The following SEMA3E variants were observed in gnomAD, a reference collection of about 807,000 sequenced individuals.
SEMA3E encodes the protein semaphorin 3E.
SEMA3E carries 49 observed loss-of-function variants against 93.6 expected under a neutral mutation model. That is an observed-to-expected ratio of 0.52 (90% CI 0.42 to 0.66). The LOEUF (loss-of-function observed/expected upper bound fraction) is 0.66. Among genes scored for constraint, SEMA3E ranks in the 30% least tolerant of loss-of-function variants. The pLI is 0.00. For synonymous variants in SEMA3E, 363 were observed against 330.7 expected (o/e 1.10, Z -1.06); for missense variants, 906 against 964.8 (o/e 0.94, Z 0.81).
At chr7:83,486,484 G>T (rs1790258749) in intron 2 of SEMA3E, among the ~76,000 whole-genome samples, 1 of 152,102 alleles carries the variant, frequency 6.6e-6, no homozygotes, top group Non-Finnish European at 1.5e-5. Context: ...CAGGAGGAGA[G>T]CTGGGCCCCA....
chr7:83,599,194 G>A (rs117752711), intron 1 of SEMA3E, among the ~76,000 whole-genome samples: 274 of 152,268 alleles, frequency 1.8e-3, no homozygotes, highest in African/African-American at 6.2e-3. Flanking sequence ...GTCATTGCAA[G>A]TCACTAGTGC....
At chr7:83,645,716 TC>T (rs1562868334) in intron 1 of SEMA3E, among the ~76,000 whole-genome samples, 927 of 92,332 alleles carry the variant, frequency 0.01, 10 homozygotes, top group African/African-American at 0.049. Context: ...GTACCTTGTC[TC>T]CTTCTCTCTC....
chr7:83,558,399 T>C (rs1486029234), intron 1 of SEMA3E, among the ~76,000 whole-genome samples: 1 of 152,154 alleles, frequency 6.6e-6, no homozygotes, highest in African/African-American at 2.4e-5. Context: ...TTTTGTGGTC[T>C]ACTGTGCTAC....
intron 4 of SEMA3E, among the ~76,000 whole-genome samples, chr7:83,436,504 C>CAT (rs747042711): frequency 7.9e-5 from 12 of 151,554 alleles, no homozygotes; most frequent in Middle Eastern, 3.4e-3. Flanking sequence ...CACACATATA[C>CAT]ATATATATAT....
At chr7:83,525,875 C>T (rs1791148977) in intron 1 of SEMA3E, among the ~76,000 whole-genome samples, 1 of 149,748 alleles carries the variant, frequency 6.7e-6, no homozygotes. Flanking sequence ...TGTTTAAAAG[C>T]AGCTCAAGAA....
intron 4 of SEMA3E, among the ~76,000 whole-genome samples, chr7:83,426,217 G>A (rs534903087): frequency 3.9e-5 from 6 of 152,150 alleles, no homozygotes; most frequent in East Asian, 1.9e-4. Flanking sequence ...CAGCAATCCC[G>A]TTACTAGGTA....
At chr7:83,600,406 G>A (rs1319002825) in intron 1 of SEMA3E, among the ~76,000 whole-genome samples, 4 of 146,784 alleles carry the variant, frequency 2.7e-5, no homozygotes, top group African/African-American at 5.0e-5. Context: ...TGCAAGCTCC[G>A]CCTCCAGGGT....
Position 83,430,684 on chromosome 7 carries a change from G to A in SEMA3E, c.457-12201C>T, listed in dbSNP as rs531766203. On this transcript the variant is annotated intron_variant, in intron 4 of 16. Transcript: ENST00000643230. Reference sequence around the variant, plus strand: ...CACACACCGGGGCCTGTCAGGGGCTGGGGGAGATGGGAGGGAGAGCATTAG... The same window carrying A: ...CACACACCGGGGCCTGTCAGGGGCTAGGGGAGATGGGAGGGAGAGCATTAG... Among the ~76,000 whole-genome samples, 5 of 152,126 alleles carry A rather than the reference G, an allele frequency of 3.3e-5. No individual in the cohort carries two copies. In the South Asian group the frequency reaches 8.3e-4, roughly 25 times the overall value.
At chr7:83,441,420 G>A (rs909401553) in intron 4 of SEMA3E, among the ~76,000 whole-genome samples, 1 of 152,120 alleles carries the variant, frequency 6.6e-6, no homozygotes, top group Non-Finnish European at 1.5e-5. Context: ...ATGTATGTTA[G>A]CACTAAGATT....
chr7:83,503,002 CTTTCTCTCTCTTTTTTTTTTT>C (rs1005209801), intron 1 of SEMA3E, among the ~76,000 whole-genome samples: 3,683 of 121,994 alleles, frequency 0.03, 140 homozygotes, highest in African/African-American at 0.1. Context: ...ATATGAGTTT[CTTTCTCTCTCTTTTTTTTTTT>C]TTTGATGTCA....
chr7:83,590,601 TC>T lies in SEMA3E; in HGVS notation c.115+57826del. ...ATTTGCTGGACATATGTGATGTAAT[TC>T]TGCCCAATTAAAATGAGGGATAAGG... On this transcript the variant is annotated intron_variant, in intron 1 of 16. Transcript: ENST00000643230. Among the ~76,000 whole-genome samples the T allele has an allele frequency of 2.0e-5, 3 of 152,290 alleles. No individual in the cohort carries two copies. In the East Asian group the frequency reaches 5.8e-4, roughly 29 times the overall value.
chr7:83,560,420 C>T (rs566887634), intron 1 of SEMA3E, among the ~76,000 whole-genome samples: 1 of 152,152 alleles, frequency 6.6e-6, no homozygotes, highest in South Asian at 2.1e-4. Context: ...ATAGTGGTGT[C>T]TTGTCCAGCT....
intron 1 of SEMA3E, among the ~76,000 whole-genome samples, chr7:83,597,892 T>C (rs1257542567): frequency 6.6e-6 from 1 of 152,138 alleles, no homozygotes; most frequent in African/African-American, 2.4e-5. Flanking sequence ...TTAGCTAAAA[T>C]ATTATATGTA....
chr7:83,630,092 C>T (rs565209326), intron 1 of SEMA3E, among the ~76,000 whole-genome samples: 12 of 152,146 alleles, frequency 7.9e-5, no homozygotes, highest in South Asian at 2.1e-4. Flanking sequence ...CACCCTGCTT[C>T]GGCTCACCCT....
chr7:83,453,357 A>T (rs1789403038), intron 4 of SEMA3E, among the ~76,000 whole-genome samples: 1 of 151,640 alleles, frequency 6.6e-6, no homozygotes, highest in African/African-American at 2.4e-5. Context: ...GTAAATAATT[A>T]TCTGTTTCGC....
intron 14 of SEMA3E, among the ~76,000 whole-genome samples, chr7:83,390,588 T>C (rs202155873): frequency 2.0e-5 from 3 of 152,174 alleles, no homozygotes; most frequent in Admixed American, 1.3e-4. Context: ...CAATTTCTGC[T>C]TCTATTCAGG....
chr7:83,644,514 G>T (rs1403201779), intron 1 of SEMA3E, among the ~76,000 whole-genome samples: 1 of 151,914 alleles, frequency 6.6e-6, no homozygotes, highest in Admixed American at 6.6e-5. Context: ...GTTTTTAGGT[G>T]ATAAGGTGCA....
At chr7:83,483,987 T>G (rs534742247) in intron 2 of SEMA3E, among the ~76,000 whole-genome samples, 1 of 152,252 alleles carries the variant, frequency 6.6e-6, no homozygotes, top group South Asian at 2.1e-4. Flanking sequence ...CATGGCTCTG[T>G]ACCACCCCCA....
At chr7:83,551,793 G>A (rs1791769729) in intron 1 of SEMA3E, among the ~76,000 whole-genome samples, 1 of 152,076 alleles carries the variant, frequency 6.6e-6, no homozygotes, top group Admixed American at 6.6e-5. Context: ...TTTTTGGGGT[G>A]TGGGGCTATC....
Sources: allele counts gnomAD v4.1 joint callset (sites outside exome capture counted in the v4.1 genomes callset), GRCh38; gene constraint gnomAD v4.1.1; transcripts MANE v1.5; gene names NCBI Gene and HGNC (gene_info 2026-07-23, HGNC 2026-07-21).